SLC17A4: variants seen among roughly 807,000 people sequenced by gnomAD.
SLC17A4 encodes solute carrier family 17 member 4, also known as probable small intestine urate exporter.
In SLC17A4, 33 loss-of-function variants were observed where a neutral mutation model predicts 52.5. The ratio of observed to expected loss-of-function variants is 0.63; its 90% CI spans 0.48 to 0.84. The LOEUF is 0.84. Ranked by LOEUF, SLC17A4 falls within the 40% of genes least tolerant of loss-of-function variation. The pLI is 0.00. For missense variants in SLC17A4, 585 were observed against 597.1 expected, an observed-to-expected ratio of 0.98 and a Z score of 0.21; for synonymous variants, 225 against 216.2, an observed-to-expected ratio of 1.04 and a Z score of -0.36.
chr6:25,769,953 G>A (rs766950278), intron 3 of SLC17A4, 114 bp from the exon 4 acceptor site: 134 of 872,648 alleles, frequency 1.5e-4, no homozygotes, highest in Non-Finnish European at 2.3e-4. Context: ...TGGAGGAACT[G>A]GAGAAATGTA....
intron 5 of SLC17A4, 152 bp downstream of exon 5, chr6:25,770,623 C>T (rs1582701753): frequency 1.4e-6 from 1 of 700,618 alleles, no homozygotes; most frequent in Non-Finnish European, 2.5e-6. Flanking sequence ...TTGATTGTAA[C>T]TGAATAAACT....
chr6:25,761,813 C>A (rs1464674811), intron 1 of SLC17A4, 114 bp from the exon 2 acceptor site: 3 of 607,838 alleles, frequency 4.9e-6, no homozygotes, highest in African/African-American at 3.8e-5. Flanking sequence ...TTTCATAAAC[C>A]CTAATCTACC....
intron 8 of SLC17A4, among the ~76,000 whole-genome samples, chr6:25,775,542 C>A (rs999214706): frequency 1.3e-5 from 2 of 151,952 alleles, no homozygotes; most frequent in African/African-American, 2.4e-5. Context: ...CTCAAGCAAT[C>A]CTCCTACCTC....
intron 1 of SLC17A4, among the ~76,000 whole-genome samples, chr6:25,757,479 T>A (rs1050668959): frequency 6.6e-6 from 1 of 152,146 alleles, no homozygotes; most frequent in African/African-American, 2.4e-5. Flanking sequence ...TCTCATTTTT[T>A]AATTAATAGG....
At position 25,778,032 on chromosome 6, in the gene SLC17A4, C is replaced by CTGATGAATATTCA. The variant is rs142909296; in HGVS notation, c.1359+18_1359+30dup. 199,579 of 1,588,626 alleles carry CTGATGAATATTCA rather than the reference C, an allele frequency of 0.13. 14,398 individuals are homozygous for CTGATGAATATTCA. Among genetic ancestry groups the CTGATGAATATTCA allele is most frequent in the Middle Eastern group, 0.17 (1,041 of 6,006 alleles). On this transcript the variant is annotated intron_variant, in intron 11 of 11. Transcript: ENST00000377905. Reference sequence around the variant, plus strand: ...CATCAGTCAGGTGAGGTCAAATGTTCTGATGAATATTCATAAAAGAAACCT... The same window carrying CTGATGAATATTCA: ...CATCAGTCAGGTGAGGTCAAATGTTCTGATGAATATTCATGATGAATATTCATAAAAGAAACCT...
chr6:25,756,377 A>T (rs555911682), intron 1 of SLC17A4, among the ~76,000 whole-genome samples: 48 of 152,032 alleles, frequency 3.2e-4, no homozygotes, highest in Admixed American at 3.9e-4. Flanking sequence ...ATTTCACACA[A>T]CCACACTAGG....
At chr6:25,761,892 T>C in intron 1 of SLC17A4, 35 bp from the exon 2 acceptor site, 1 of 1,253,560 alleles carries the variant, frequency 8.0e-7, no homozygotes. Context: ...TATAAGATTC[T>C]CCCTGTATTT....
chr6:25,773,722 T>G (rs1340095820), intron 8 of SLC17A4, 48 bp downstream of exon 8: 1 of 1,578,830 alleles, frequency 6.3e-7, no homozygotes, highest in Non-Finnish European at 8.6e-7. Context: ...AATGCTTAAA[T>G]AATGAGAGCT....
At position 25,777,966 on chromosome 6, in the gene SLC17A4, C is replaced by T. The variant is rs1001227913; in HGVS notation, c.1309C>T (p.His437Tyr). ...FLKGLLQVFAHIAGAISPTAA... is the reference protein window; with the variant it reads ...FLKGLLQVFAYIAGAISPTAA... ...CAAAGGACTATTGCAAGTCTTTGCACACATAGCTGGAGCCATCTCTCCTAC... is the reference window on the plus strand; with the variant it reads ...CAAAGGACTATTGCAAGTCTTTGCATACATAGCTGGAGCCATCTCTCCTAC... Residue 437 changes from histidine to tyrosine, a missense_variant, in exon 11 of 12, where the codon CAC becomes TAC. Transcript: ENST00000377905. 1.2e-6 allele frequency: 2 copies of T among 1,613,068 alleles called. No individual in the cohort carries two copies. The highest frequency in any genetic ancestry group is 1.7e-6 in the Non-Finnish European group (2 of 1,179,690).
intron 8 of SLC17A4, among the ~76,000 whole-genome samples, chr6:25,774,185 A>G (rs1413515776): frequency 6.6e-6 from 1 of 152,174 alleles, no homozygotes; most frequent in Non-Finnish European, 1.5e-5. Context: ...TTAAAAAATC[A>G]TTTTTATTCA....
intron 10 of SLC17A4, chr6:25,777,688 C>T: frequency 4.9e-6 from 2 of 409,688 alleles, no homozygotes; most frequent in Non-Finnish European, 4.4e-6. Flanking sequence ...AGGTTACCCC[C>T]TTGGGAGTAC....
At position 25,758,249 on chromosome 6, in the gene SLC17A4, C is replaced by T. The variant is rs140196785; in HGVS notation, c.-37+3468C>T. Among the ~76,000 whole-genome samples, 975 of 152,324 alleles carry T rather than the reference C, an allele frequency of 6.4e-3. 11 individuals are homozygous for T. The highest frequency in any genetic ancestry group is 0.021 in the African/African-American group (886 of 41,562). Reference sequence around the variant, plus strand: ...GCTCCTATAATTTGACTTGAAGTGACGGGGCAGTGCCCTCCTCCTTTCTTT... The same window carrying T: ...GCTCCTATAATTTGACTTGAAGTGATGGGGCAGTGCCCTCCTCCTTTCTTT... On this transcript the variant is annotated intron_variant, in intron 1 of 11. Coordinates refer to ENST00000377905, the MANE Select transcript of SLC17A4 (RefSeq NM_005495.3).
At chr6:25,755,040 C>A (rs1405941072) in intron 1 of SLC17A4, among the ~76,000 whole-genome samples, 2 of 88,434 alleles carry the variant, frequency 2.3e-5, no homozygotes, top group East Asian at 9.2e-4. Context: ...CAGACAGACA[C>A]ACACACATAC....
At chr6:25,772,583 A>G (rs1454773549) in intron 6 of SLC17A4, among the ~76,000 whole-genome samples, 2 of 152,204 alleles carry the variant, frequency 1.3e-5, no homozygotes. Flanking sequence ...AATAATGTAT[A>G]TATTAGAAAA....
chr6:25,772,547 T>C (rs1762568309), intron 6 of SLC17A4, among the ~76,000 whole-genome samples: 1 of 152,336 alleles, frequency 6.6e-6, no homozygotes, highest in Non-Finnish European at 1.5e-5. Context: ...CACTCAATAC[T>C]GATAATGTTA....
chr6:25,777,983 C>G lies in SLC17A4; in HGVS notation c.1326C>G (p.Ile442Met). 1 of 1,612,934 alleles carries G rather than the reference C, an allele frequency of 6.2e-7. No homozygotes were observed. ...TCTTTGCACACATAGCTGGAGCCATCTCTCCTACTGCTGCTGGATTTTTCA... is the reference window on the plus strand; with the variant it reads ...TCTTTGCACACATAGCTGGAGCCATGTCTCCTACTGCTGCTGGATTTTTCA... Reference protein sequence around the residue: ...LQVFAHIAGAISPTAAGFFIS... With the variant: ...LQVFAHIAGAMSPTAAGFFIS... The change falls in exon 11 of 12, where the codon ATC becomes ATG. Residue 442 changes from isoleucine (I) to methionine (M), a missense_variant. Ile to Met is a conservative substitution (Grantham distance 10, BLOSUM62 1). Coordinates refer to ENST00000377905, the MANE Select transcript of SLC17A4 (RefSeq NM_005495.3).
chr6:25,777,056 C>A, intron 10 of SLC17A4, 97 bp downstream of exon 10: 1 of 1,344,384 alleles, frequency 7.4e-7, no homozygotes, highest in Non-Finnish European at 1.0e-6. Context: ...GCAGGTACAA[C>A]AGGTTGCAGG....
At chr6:25,756,744 A>T (rs540475474) in intron 1 of SLC17A4, among the ~76,000 whole-genome samples, 4 of 152,202 alleles carry the variant, frequency 2.6e-5, no homozygotes, top group Admixed American at 6.5e-5. Flanking sequence ...CATGCAGGAG[A>T]TGGAGCTATG....
chr6:25,776,517 G>A, intron 8 of SLC17A4, 78 bp from the exon 9 acceptor site: 1 of 1,500,984 alleles, frequency 6.7e-7, no homozygotes, highest in East Asian at 2.3e-5. Flanking sequence ...CACAAATGTG[G>A]ACAGTCTGTC....
Sources: gnomAD v4.1 joint callset for allele counts (sites outside exome capture counted in the v4.1 genomes callset) on GRCh38, gnomAD v4.1.1 for gene constraint, MANE v1.5 for transcripts, NCBI Gene and HGNC (gene_info 2026-07-23, HGNC 2026-07-21) for gene names.